The following MAML2 variants were observed in gnomAD, a reference collection of about 807,000 sequenced individuals.
MAML2 encodes mastermind-like protein 2.
A neutral mutation model predicts 96.1 loss-of-function variants in MAML2; 22 were observed. The observed-to-expected ratio is 0.23, with a 90% CI of 0.16 to 0.33. The LOEUF is 0.33. Among genes scored for constraint, MAML2 ranks in the 10% least tolerant of loss-of-function variants. The pLI is 1.00. For synonymous variants in MAML2, 561 were observed against 521.3 expected, an observed-to-expected ratio of 1.08 and a Z score of -1.04; for missense variants, 1,367 against 1,392.4, an observed-to-expected ratio of 0.98 and a Z score of 0.29.
intron 1 of MAML2, among the ~76,000 whole-genome samples, chr11:96,302,695 T>C (rs562453655): frequency 6.6e-6 from 1 of 152,340 alleles, no homozygotes; most frequent in South Asian, 2.1e-4. Context: ...TTTCTTGGGT[T>C]GCACAGAAAC....
chr11:96,190,655 AC>A (rs1372320882), intron 1 of MAML2, among the ~76,000 whole-genome samples: 1 of 152,246 alleles, frequency 6.6e-6, no homozygotes, highest in Non-Finnish European at 1.5e-5. Flanking sequence ...AATGATCTCA[AC>A]AAACTGAAAC....
At chr11:96,198,923 T>C (rs1437598730) in intron 1 of MAML2, among the ~76,000 whole-genome samples, 3 of 148,612 alleles carry the variant, frequency 2.0e-5, no homozygotes, top group Non-Finnish European at 3.0e-5. Flanking sequence ...CCTGGCTGGG[T>C]GCGGTGGCTC....
intron 1 of MAML2, among the ~76,000 whole-genome samples, chr11:96,283,183 G>T (rs916016635): frequency 6.6e-6 from 1 of 152,164 alleles, no homozygotes; most frequent in Admixed American, 6.5e-5. Context: ...AGGTGTGGGG[G>T]TTTTTCTTTT....
intron 2 of MAML2, among the ~76,000 whole-genome samples, chr11:96,021,629 G>A (rs1447139154): frequency 1.3e-5 from 2 of 152,184 alleles, no homozygotes; most frequent in East Asian, 3.8e-4. Context: ...TTTCTCTCTG[G>A]TACAGCGGCT....
At chr11:96,130,176 T>C (rs1860522569) in intron 1 of MAML2, among the ~76,000 whole-genome samples, 1 of 152,222 alleles carries the variant, frequency 6.6e-6, no homozygotes, top group Non-Finnish European at 1.5e-5. Context: ...TGTGGGTGTT[T>C]GGCACTTGGA....
At chr11:96,041,999 CAG>C (rs1268555284) in intron 2 of MAML2, among the ~76,000 whole-genome samples, 10 of 133,256 alleles carry the variant, frequency 7.5e-5, no homozygotes, top group African/African-American at 2.5e-4. Context: ...TTTTTTGAGA[CAG>C]AGTCTTGCTC....
intron 1 of MAML2, among the ~76,000 whole-genome samples, chr11:96,250,922 T>C (rs1205709134): frequency 6.6e-6 from 1 of 152,234 alleles, no homozygotes; most frequent in Non-Finnish European, 1.5e-5. Context: ...TTGGAGGACC[T>C]GCAGGAAGAA....
At chr11:96,071,456 C>T (rs1011237393) in intron 2 of MAML2, among the ~76,000 whole-genome samples, 5 of 152,244 alleles carry the variant, frequency 3.3e-5, no homozygotes, top group Non-Finnish European at 7.3e-5. Flanking sequence ...ATTGGCCAGT[C>T]GGCCCACAGT....
At chr11:96,209,847 G>A (rs185353093) in intron 1 of MAML2, among the ~76,000 whole-genome samples, 16 of 152,206 alleles carry the variant, frequency 1.1e-4, no homozygotes, top group Admixed American at 1.0e-3. Context: ...CTTATATCAA[G>A]CAATAGACCT....
chr11:96,179,906 TA>T (rs780192034), intron 1 of MAML2, among the ~76,000 whole-genome samples: 37 of 152,214 alleles, frequency 2.4e-4, no homozygotes, highest in Admixed American at 3.9e-4. Flanking sequence ...CTTGGCCAAC[TA>T]GGAGCTGACA....
intron 2 of MAML2, among the ~76,000 whole-genome samples, chr11:96,004,576 C>G (rs1760338634): frequency 6.6e-6 from 1 of 152,126 alleles, no homozygotes; most frequent in Non-Finnish European, 1.5e-5. Flanking sequence ...TCTCACATGT[C>G]TCATGTGATA....
intron 1 of MAML2, among the ~76,000 whole-genome samples, chr11:96,170,179 A>G (rs1327157636): frequency 6.6e-6 from 1 of 152,206 alleles, no homozygotes; most frequent in African/African-American, 2.4e-5. Context: ...CTCACATTCT[A>G]CATTCCAATG....
rs527645443 is a variant in MAML2, at chr11:96,304,799, G to A, written c.513+36584C>T. On this transcript the variant is annotated intron_variant, in intron 1 of 4. Coordinates refer to ENST00000524717, the MANE Select transcript of MAML2 (RefSeq NM_032427.4). The stretch of plus-strand genomic sequence containing the variant: ...CAAATCACAATGATGTTACACCACT[G>A]TGATTCAGGATAAAGGGACCTTAAA... Among the ~76,000 whole-genome samples the A allele has an allele frequency of 1.1e-4, 16 of 152,270 alleles. 1 individual carries two copies. The South Asian group carries it at 3.1e-3, about 30-fold the overall frequency.
chr11:96,274,249 A>AT (rs548871757), intron 1 of MAML2, among the ~76,000 whole-genome samples: 113 of 151,618 alleles, frequency 7.5e-4, no homozygotes, highest in African/African-American at 2.6e-3. Flanking sequence ...CGCCCTGCTA[A>AT]TTTTTTTGTA....
intron 2 of MAML2, among the ~76,000 whole-genome samples, chr11:96,044,948 A>G (rs765838437): frequency 6.6e-5 from 10 of 152,180 alleles, no homozygotes; most frequent in Non-Finnish European, 1.5e-4. Flanking sequence ...TCTCTTGATC[A>G]TGCACACTCT....
chr11:96,302,292 A>G (rs1203338967), intron 1 of MAML2, among the ~76,000 whole-genome samples: 1 of 152,248 alleles, frequency 6.6e-6, no homozygotes, highest in East Asian at 1.9e-4. Context: ...TTGATTATAA[A>G]GGCATAAGAA....
intron 2 of MAML2, among the ~76,000 whole-genome samples, chr11:96,026,687 G>A (rs1454835062): frequency 1.3e-5 from 2 of 151,596 alleles, no homozygotes; most frequent in Non-Finnish European, 2.9e-5. Flanking sequence ...AAATTCAACA[G>A]GATATAAAAG....
At chr11:96,287,915 T>A (rs1275702383) in intron 1 of MAML2, among the ~76,000 whole-genome samples, 1 of 152,214 alleles carries the variant, frequency 6.6e-6, no homozygotes, top group Non-Finnish European at 1.5e-5. Flanking sequence ...AGCTGAATCA[T>A]TAAATACACG....
chr11:96,170,301 C>A (rs552103681), intron 1 of MAML2, among the ~76,000 whole-genome samples: 1 of 152,290 alleles, frequency 6.6e-6, no homozygotes, highest in African/African-American at 2.4e-5. Flanking sequence ...TTCCAAATTG[C>A]ATTAATAAGT....
Sources: gnomAD v4.1 joint callset for allele counts (sites outside exome capture counted in the v4.1 genomes callset) on GRCh38, gnomAD v4.1.1 for gene constraint, MANE v1.5 for transcripts, NCBI Gene and HGNC (gene_info 2026-07-23, HGNC 2026-07-21) for gene names.